SLIT3: variants seen among roughly 807,000 people sequenced by gnomAD.
SLIT3 encodes slit homolog 3 protein.
Under a neutral mutation model 184.0 loss-of-function variants are expected in SLIT3, and 68 were observed. That is an observed-to-expected ratio of 0.37 (90% confidence interval 0.30 to 0.45). The LOEUF (loss-of-function observed/expected upper bound fraction) is 0.45. Among genes scored for constraint, SLIT3 ranks in the 20% least tolerant of loss-of-function variants. The probability of loss-of-function intolerance (pLI) is 1.00; values close to 1 mark genes in which losing one functional copy is unlikely to be tolerated. For missense variants in SLIT3, 1,707 were observed against 2,026.0 expected (o/e 0.84, Z 3.02); for synonymous variants, 831 against 828.6 (o/e 1.00, Z -0.05).
intron 1 of SLIT3, among the ~76,000 whole-genome samples, chr5:169,284,111 A>G (rs1336828246): frequency 6.6e-6 from 1 of 152,260 alleles, no homozygotes; most frequent in Non-Finnish European, 1.5e-5. Context: ...GACACAAGGT[A>G]AGAGCTAACA....
intron 5 of SLIT3, among the ~76,000 whole-genome samples, chr5:168,874,672 C>T (rs1281196694): frequency 6.6e-6 from 1 of 152,208 alleles, no homozygotes; most frequent in Non-Finnish European, 1.5e-5. Context: ...AACTTCCAAT[C>T]CCAGGCAGAA....
intron 1 of SLIT3, among the ~76,000 whole-genome samples, chr5:169,264,800 C>T (rs1279887930): frequency 2.6e-5 from 4 of 152,196 alleles, no homozygotes; most frequent in African/African-American, 7.2e-5. Flanking sequence ...TACATAACCA[C>T]ATGCAAGTTT....
At chr5:168,838,242 A>G (rs1439589876) in intron 6 of SLIT3, among the ~76,000 whole-genome samples, 1 of 152,164 alleles carries the variant, frequency 6.6e-6, no homozygotes, top group Non-Finnish European at 1.5e-5. Flanking sequence ...GTCCCCTCGT[A>G]CTTGCCACTG....
intron 3 of SLIT3, among the ~76,000 whole-genome samples, chr5:169,216,995 A>C (rs1266680544): frequency 6.6e-6 from 1 of 152,134 alleles, no homozygotes; most frequent in Non-Finnish European, 1.5e-5. Context: ...GAGTCCAGCT[A>C]CCAACACACA....
chr5:169,193,850 G>A (rs1763651546), intron 3 of SLIT3, among the ~76,000 whole-genome samples: 1 of 152,116 alleles, frequency 6.6e-6, no homozygotes, highest in Non-Finnish European at 1.5e-5. Flanking sequence ...CCTTCCCATG[G>A]ACTCCAGACA....
intron 4 of SLIT3, among the ~76,000 whole-genome samples, chr5:169,003,589 AGTG>A: frequency 6.6e-6 from 1 of 152,250 alleles, no homozygotes; most frequent in East Asian, 1.9e-4. Flanking sequence ...AAGCTGAAGG[AGTG>A]GGCTGTGTAT....
chr5:168,817,457 G>A lies in SLIT3; in HGVS notation c.636C>T (p.Leu212=), dbSNP rs752595708. 3 of 1,613,910 alleles carry A rather than the reference G, an allele frequency of 1.9e-6. No homozygotes were observed. Among genetic ancestry groups the A allele is most frequent in the South Asian group, 1.1e-5 (1 of 91,052 alleles). ...NHMPKIRTLR[L]HSNHLYCDCH... is the part of the protein sequence containing the mutation. ...AGTCGCAGTACAGGTGGTTGGAGTGGAGGCGCCTGGGAGAGGGCGGGACAG... is the reference window on the plus strand; with the variant it reads ...AGTCGCAGTACAGGTGGTTGGAGTGAAGGCGCCTGGGAGAGGGCGGGACAG... Residue 212 remains leucine (L), a synonymous_variant, in exon 8 of 36, where the codon CTC becomes CTT. Transcript: ENST00000519560.
chr5:168,990,615 T>C (rs776690687), intron 4 of SLIT3, among the ~76,000 whole-genome samples: 5 of 152,188 alleles, frequency 3.3e-5, no homozygotes, highest in Non-Finnish European at 5.9e-5. Context: ...ATTTTTGTCC[T>C]GTAAATAGAA....
At chr5:169,163,278 G>A (rs1259459436) in intron 4 of SLIT3, among the ~76,000 whole-genome samples, 1 of 152,126 alleles carries the variant, frequency 6.6e-6, no homozygotes, top group Non-Finnish European at 1.5e-5. Context: ...CCAAGATTGT[G>A]CCATTGCATT....
intron 29 of SLIT3, among the ~76,000 whole-genome samples, chr5:168,688,128 G>A (rs1761802434): frequency 6.6e-6 from 1 of 152,250 alleles, no homozygotes; most frequent in Non-Finnish European, 1.5e-5. Context: ...GCACCGAGGG[G>A]CTGAGTCACA....
Position 168,752,944 on chromosome 5 carries a change from G to A in SLIT3, c.1973+11C>T. On this transcript the variant is annotated intron_variant, in intron 18 of 35. Transcript: ENST00000519560. ...CCAGAGTCCGTGGGCAGTGGACCCA[G>A]GAGAACTTACATGGTGGACAGGGAG... 1 of 1,613,920 alleles carries A rather than the reference G, an allele frequency of 6.2e-7. No individual in the cohort carries two copies. The highest frequency in any genetic ancestry group is 8.5e-7 in the Non-Finnish European group (1 of 1,179,840).
intron 3 of SLIT3, among the ~76,000 whole-genome samples, chr5:169,239,251 G>A (rs1212175745): frequency 6.6e-6 from 1 of 151,960 alleles, no homozygotes; most frequent in Non-Finnish European, 1.5e-5. Context: ...CTAGTATTTT[G>A]TTAGGAAATT....
At position 168,897,698 on chromosome 5, in the gene SLIT3, ACAG is replaced by A. The variant is rs1760729963; in HGVS notation, c.414-14365_414-14363del. ...CACACAAAGGGACATACAGAAAGAG[ACAG>A]GCTGAGAGAACAAAAGGGAAAGGCC... On this transcript the variant is annotated intron_variant, in intron 4 of 35. Coordinates refer to ENST00000519560, the MANE Select transcript of SLIT3 (RefSeq NM_003062.4). Among the ~76,000 whole-genome samples the A allele has an allele frequency of 2.5e-4, 11 of 43,342 alleles. No individual in the cohort carries two copies. The Admixed American group carries it at 2.7e-3, about 11-fold the overall frequency. 28.4% of individuals were successfully genotyped at this position (43,342 alleles called of 152,430 possible).
intron 3 of SLIT3, among the ~76,000 whole-genome samples, chr5:169,233,334 T>C (rs940108169): frequency 6.6e-6 from 1 of 152,176 alleles, no homozygotes; most frequent in African/African-American, 2.4e-5. Context: ...GCATTGGTAT[T>C]TTTTGGTGCT....
At chr5:168,688,827 G>A (rs1383931481) in intron 29 of SLIT3, among the ~76,000 whole-genome samples, 1 of 152,350 alleles carries the variant, frequency 6.6e-6, no homozygotes, top group East Asian at 1.9e-4. Flanking sequence ...AGCCATCTGT[G>A]TGTCTCTTGA....
chr5:169,187,116 T>TTTTTTTTG (rs1442931331), intron 4 of SLIT3, among the ~76,000 whole-genome samples: 1 of 138,952 alleles, frequency 7.2e-6, no homozygotes, highest in African/African-American at 2.7e-5. Flanking sequence ...TATAGGTTTT[T>TTTTTTTTG]TTTTTTTTTT....
At chr5:168,979,659 G>C (rs1164708110) in intron 4 of SLIT3, among the ~76,000 whole-genome samples, 2 of 152,162 alleles carry the variant, frequency 1.3e-5, no homozygotes, top group Non-Finnish European at 2.9e-5. Context: ...TTAACAGAAG[G>C]GGGCTGGGGC....
intron 34 of SLIT3, among the ~76,000 whole-genome samples, chr5:168,670,892 T>G (rs1435966180): frequency 6.6e-6 from 1 of 152,072 alleles, no homozygotes; most frequent in Non-Finnish European, 1.5e-5. Context: ...CCCATGTGGG[T>G]GCCTTTTTTA....
intron 4 of SLIT3, among the ~76,000 whole-genome samples, chr5:169,053,859 G>A (rs1197139742): frequency 6.6e-6 from 1 of 152,066 alleles, no homozygotes; most frequent in East Asian, 1.9e-4. Flanking sequence ...AGGCTGAGGT[G>A]GGCAGATCAC....
Sources: allele counts gnomAD v4.1 joint callset (sites outside exome capture counted in the v4.1 genomes callset), GRCh38; gene constraint gnomAD v4.1.1; transcripts MANE v1.5; gene names NCBI Gene and HGNC (gene_info 2026-07-23, HGNC 2026-07-21).